Variants in NKAIN2 observed in about 807,000 individuals in gnomAD.
The protein encoded by NKAIN2 is sodium/potassium-transporting ATPase subunit beta-1-interacting protein 2.
A neutral mutation model predicts 32.6 loss-of-function variants in NKAIN2; 14 were observed. The observed-to-expected ratio is 0.43, with a 90% CI of 0.28 to 0.67. NKAIN2 has a LOEUF of 0.67. NKAIN2 is among the 30% of genes least tolerant of loss of function. The pLI is 0.17. For missense variants in NKAIN2, 198 were observed against 258.3 expected (o/e 0.77, Z 1.60); for synonymous variants, 80 against 87.2 (o/e 0.92, Z 0.46).
chr6:124,029,919 C>T (rs996750885), intron 1 of NKAIN2, among the ~76,000 whole-genome samples: 3 of 151,898 alleles, frequency 2.0e-5, no homozygotes, highest in African/African-American at 7.2e-5. Flanking sequence ...GTTGCGTGCT[C>T]CTTATAAGAA....
At position 123,964,997 on chromosome 6, in the gene NKAIN2, T is replaced by G. The variant is rs1582852331; in HGVS notation, c.54+160743T>G. Among the ~76,000 whole-genome samples the G allele has an allele frequency of 6.6e-6, 1 of 152,176 alleles. No individual in the cohort carries two copies. Among genetic ancestry groups the G allele is most frequent in the Admixed American group, 6.6e-5 (1 of 15,262 alleles). On this transcript the variant is annotated intron_variant, in intron 1 of 6. Coordinates refer to ENST00000368417, the MANE Select transcript of NKAIN2 (RefSeq NM_001040214.3). This position sits in a 1 kb window ranked among gnomAD's most constrained non-coding sequence, Gnocchi z 4.0. ...AAACATTTTTCCTGGATTTTATTAT[T>G]TATTTTATGAGATCCCTGTTTTCTG...
chr6:124,374,945 T>G (rs1003601104), intron 3 of NKAIN2, among the ~76,000 whole-genome samples: 1 of 152,098 alleles, frequency 6.6e-6, no homozygotes, highest in Non-Finnish European at 1.5e-5. Flanking sequence ...TGCTATCTCC[T>G]CAGCTCATTC....
At chr6:124,296,958 G>A (rs182901824) in intron 2 of NKAIN2, among the ~76,000 whole-genome samples, 17 of 152,282 alleles carry the variant, frequency 1.1e-4, no homozygotes, top group Admixed American at 9.8e-4. Flanking sequence ...AGTCAAACCA[G>A]CACTAAGACA....
intron 2 of NKAIN2, among the ~76,000 whole-genome samples, chr6:124,314,601 C>T (rs1474379557): frequency 6.6e-6 from 1 of 152,084 alleles, no homozygotes; most frequent in Non-Finnish European, 1.5e-5. Context: ...AGAGTTGTGC[C>T]AAATTGAGAC....
chr6:124,176,318 A>T (rs186027620), intron 1 of NKAIN2, among the ~76,000 whole-genome samples: 9 of 152,292 alleles, frequency 5.9e-5, no homozygotes, highest in Admixed American at 3.3e-4. Context: ...AGTATGATTT[A>T]AAAAAGTATG....
intron 3 of NKAIN2, among the ~76,000 whole-genome samples, chr6:124,629,058 G>C (rs974698841): frequency 6.6e-6 from 1 of 152,010 alleles, no homozygotes; most frequent in African/African-American, 2.4e-5. Flanking sequence ...GGAGTTGGTG[G>C]GGCTAAGTGA....
chr6:124,784,147 G>A (rs1231785378), intron 4 of NKAIN2, among the ~76,000 whole-genome samples: 1 of 152,106 alleles, frequency 6.6e-6, no homozygotes, highest in African/African-American at 2.4e-5. Flanking sequence ...GTCCTAAAAT[G>A]TAGTATTTTT....
intron 1 of NKAIN2, among the ~76,000 whole-genome samples, chr6:124,279,588 C>T (rs1562467573): frequency 1.4e-5 from 2 of 145,540 alleles, no homozygotes; most frequent in African/African-American, 5.1e-5. Flanking sequence ...ACCTTTATAA[C>T]AGTGTCAGAA....
chr6:124,139,079 A>ATTTTTTTTTTTTTTTTTT (rs900247440), intron 1 of NKAIN2, among the ~76,000 whole-genome samples: 2 of 99,470 alleles, frequency 2.0e-5, no homozygotes, highest in African/African-American at 4.2e-5. Context: ...TTAAATAAAA[A>ATTTTTTTTTTTTTTTTTT]TTTTTTTTTT....
At chr6:124,639,904 G>C (rs1783921163) in intron 3 of NKAIN2, among the ~76,000 whole-genome samples, 1 of 152,064 alleles carries the variant, frequency 6.6e-6, no homozygotes, top group Non-Finnish European at 1.5e-5. Context: ...ATAAATTTTA[G>C]TGTTCTATAG....
chr6:124,658,434 T>C lies in NKAIN2; in HGVS notation c.474+48T>C, dbSNP rs532843914. On this transcript the variant is annotated intron_variant, in intron 4 of 6. Transcript: ENST00000368417. ...TCCTTCTAGTGCCTCTGGGGTTGTTTTATTTCTGTGCGAACTCAGTGCACA... is the reference window on the plus strand; with the variant it reads ...TCCTTCTAGTGCCTCTGGGGTTGTTCTATTTCTGTGCGAACTCAGTGCACA... 1.5e-5 allele frequency: 25 copies of C among 1,613,824 alleles called. No individual in the cohort carries two copies. The African/African-American group carries it at 2.1e-4, about 14-fold the overall frequency.
At chr6:124,497,824 T>TAAAAAAAA (rs33913104) in intron 3 of NKAIN2, among the ~76,000 whole-genome samples, 10 of 105,696 alleles carry the variant, frequency 9.5e-5, no homozygotes, top group African/African-American at 1.4e-4. Flanking sequence ...GAGTAAGGGG[T>TAAAAAAAA]AAAAAAAAAA....
intron 3 of NKAIN2, among the ~76,000 whole-genome samples, chr6:124,618,861 A>G (rs1487714625): frequency 6.6e-6 from 1 of 152,190 alleles, no homozygotes; most frequent in Admixed American, 6.5e-5. Flanking sequence ...AAAGAGGTTC[A>G]TATGTTATAT....
intron 1 of NKAIN2, among the ~76,000 whole-genome samples, chr6:124,150,716 C>G (rs1457355498): frequency 6.6e-6 from 1 of 152,000 alleles, no homozygotes; most frequent in Non-Finnish European, 1.5e-5. Flanking sequence ...AAATTGAATT[C>G]CTATGTCAAA....
intron 1 of NKAIN2, among the ~76,000 whole-genome samples, chr6:123,809,915 A>AC (rs1435734420): frequency 2.6e-5 from 4 of 152,210 alleles, no homozygotes; most frequent in Non-Finnish European, 5.9e-5. Context: ...AAACTCCTTG[A>AC]AATGCTACAT....
At chr6:124,052,531 T>C (rs1367979019) in intron 1 of NKAIN2, among the ~76,000 whole-genome samples, 2 of 152,062 alleles carry the variant, frequency 1.3e-5, no homozygotes, top group African/African-American at 4.8e-5. Flanking sequence ...TACTCTGTTG[T>C]TGTATAAAGG....
intron 1 of NKAIN2, among the ~76,000 whole-genome samples, chr6:123,975,639 T>C (rs1191338268): frequency 6.6e-6 from 1 of 152,124 alleles, no homozygotes; most frequent in Non-Finnish European, 1.5e-5. Context: ...CAATCGTAGA[T>C]TGAGTGTCTG....
chr6:124,810,026 C>A (rs886964788), intron 5 of NKAIN2, among the ~76,000 whole-genome samples: 3 of 152,182 alleles, frequency 2.0e-5, no homozygotes, highest in Non-Finnish European at 2.9e-5. Flanking sequence ...ACACTTTACA[C>A]TGTTGGTGGG....
At chr6:124,034,186 A>G (rs537154484) in intron 1 of NKAIN2, among the ~76,000 whole-genome samples, 2 of 152,008 alleles carry the variant, frequency 1.3e-5, no homozygotes, top group African/African-American at 2.4e-5. Flanking sequence ...ACAAGGGTGC[A>G]CCATGTAATG....
Sources: gnomAD v4.1 joint callset for allele counts (sites outside exome capture counted in the v4.1 genomes callset) on GRCh38, gnomAD v4.1.1 for gene constraint, Gnocchi (gnomAD v3.1) non-coding constraint, MANE v1.5 for transcripts, NCBI Gene and HGNC (gene_info 2026-07-23, HGNC 2026-07-21) for gene names.